PWWP2A: variants seen among roughly 807,000 people sequenced by gnomAD.
PWWP2A encodes PWWP domain containing 2A.
In PWWP2A, 18 loss-of-function variants were observed where a neutral mutation model predicts 48.5. The observed-to-expected ratio is 0.37, with a 90% confidence interval of 0.26 to 0.55. The LOEUF (loss-of-function observed/expected upper bound fraction) is 0.55, where lower values mean the gene tolerates loss of function less well. PWWP2A is among the 20% of genes least tolerant of loss of function. The pLI, the probability that PWWP2A is intolerant of heterozygous loss-of-function variation, is 0.81. For missense variants in PWWP2A, 867 were observed against 976.4 expected, an observed-to-expected ratio of 0.89 and a Z score of 1.49; for synonymous variants, 396 against 387.7, an observed-to-expected ratio of 1.02 and a Z score of -0.25.
At chr5:160,058,272 C>T (rs1343733093), downstream of PWWP2A, among the ~76,000 whole-genome samples, 1 of 152,234 alleles carries the variant, frequency 6.6e-6, no homozygotes, top group Non-Finnish European at 1.5e-5. Context: ...ATTGTCACCA[C>T]ATCTGCAGCA....
At chr5:160,084,298 G>A (rs777481755) in intron 2 of PWWP2A, among the ~76,000 whole-genome samples, 3 of 152,180 alleles carry the variant, frequency 2.0e-5, no homozygotes, top group Non-Finnish European at 4.4e-5. Context: ...TGTGTAAGTG[G>A]CTGATCAAAG....
chr5:160,089,504 AC>A, downstream of PWWP2A: 2 of 1,269,776 alleles, frequency 1.6e-6, no homozygotes, highest in Non-Finnish European at 2.0e-6. Flanking sequence ...GACCCACCGC[AC>A]CTGGCCTCTC....
At chr5:160,104,070 C>T (rs1046256362) in intron 1 of PWWP2A, among the ~76,000 whole-genome samples, 2 of 141,590 alleles carry the variant, frequency 1.4e-5, no homozygotes, top group Non-Finnish European at 3.0e-5. Context: ...GTTGCAGTGA[C>T]CCGGGATGCA....
chr5:160,096,759 AGTTGGGACTACAGGCACC>A (rs1200095224), intron 1 of PWWP2A, among the ~76,000 whole-genome samples: 1 of 152,174 alleles, frequency 6.6e-6, no homozygotes, highest in Admixed American at 6.5e-5. Context: ...CCTCCCAAGT[AGTTGGGACTACAGGCACC>A]TGCCACCATG....
At chr5:160,074,064 CAA>C (rs57010218), downstream of PWWP2A, among the ~76,000 whole-genome samples, 34 of 71,544 alleles carry the variant, frequency 4.8e-4, no homozygotes, top group South Asian at 8.4e-4. Flanking sequence ...GACTCCGTTT[CAA>C]AAAAAAAAAA....
At chr5:160,049,526 A>T in the PWWP2A span, 1 of 1,572,080 alleles carries the variant, frequency 6.4e-7, no homozygotes, top group Non-Finnish European at 8.6e-7. Flanking sequence ...ATTCAATTAA[A>T]CCCCAGCTAT....
intron 2 of PWWP2A, among the ~76,000 whole-genome samples, chr5:160,069,635 G>A (rs187120667): frequency 2.0e-5 from 3 of 152,050 alleles, no homozygotes; most frequent in East Asian, 1.9e-4. Context: ...AGGCCAAGGC[G>A]GGAGGATCAC....
chr5:160,045,514 ATACACACTCTCTCTCT>A, the PWWP2A span, among the ~76,000 whole-genome samples: 38 of 29,736 alleles, frequency 1.3e-3, no homozygotes, highest in African/African-American at 6.2e-3. Context: ...ACACACACAC[ATACACACTCTCTCTCT>A]CTCTCTCTCT....
At chr5:160,059,164 T>C (rs374061244), downstream of PWWP2A, among the ~76,000 whole-genome samples, 1 of 147,184 alleles carries the variant, frequency 6.8e-6, no homozygotes, top group East Asian at 2.0e-4. Context: ...TTGAAAGTCC[T>C]ATACGGCATC....
In PWWP2A at chr5:160,118,880, A is replaced by G. The variant is rs1758420632; in HGVS notation, c.509T>C (p.Ile170Thr). 6.3e-7 allele frequency: 1 copy of G among 1,598,654 alleles called. No individual in the cohort carries two copies. The highest frequency in any genetic ancestry group is 8.5e-7 in the Non-Finnish European group (1 of 1,173,886). The change falls in exon 1 of 2, where the codon ATT becomes ACT. Residue 170 changes from isoleucine (I) to threonine (T), a missense_variant. Physicochemically the swap from Ile to Thr is moderately conservative, Grantham distance 89. Around this residue, in one of 4 missense-constraint regions of PWWP2A, gnomAD observed 385 missense variants for 396.9 expected, o/e 0.97. Coordinates refer to ENST00000307063, the MANE Select transcript of PWWP2A (RefSeq NM_001130864.2). ...GAACGACACGACAAGCGCGTCCTCA[A>G]TGATGTGGTCCAGCGTGACCCGCAC... is the stretch of plus-strand genomic sequence containing the variant. ...SEVRVTLDHI[I>T]EDALVVSFRF... is the part of the protein sequence containing the mutation.
downstream of PWWP2A, among the ~76,000 whole-genome samples, chr5:160,088,297 T>G (rs998096771): frequency 2.0e-5 from 3 of 151,948 alleles, no homozygotes; most frequent in Admixed American, 6.6e-5. Flanking sequence ...GCCTCCCGGG[T>G]TCAAGCAATT....
intron 1 of PWWP2A, among the ~76,000 whole-genome samples, chr5:160,100,927 CA>C: frequency 6.6e-6 from 1 of 152,206 alleles, no homozygotes; most frequent in South Asian, 2.1e-4. Flanking sequence ...AGATATTAGC[CA>C]AAAAGGTGGA....
At chr5:160,045,442 A>C in the PWWP2A span, among the ~76,000 whole-genome samples, 2 of 124,814 alleles carry the variant, frequency 1.6e-5, no homozygotes, top group South Asian at 2.7e-4. Context: ...AGCCCCCGAC[A>C]TCCCCCACCC....
intron 1 of PWWP2A, among the ~76,000 whole-genome samples, chr5:160,112,263 C>T (rs1757670398): frequency 6.6e-6 from 1 of 152,086 alleles, no homozygotes; most frequent in African/African-American, 2.4e-5. Context: ...CTCTGTCATC[C>T]GGGCTAGAGT....
intron 1 of PWWP2A, chr5:160,113,230 T>C: frequency 2.0e-6 from 2 of 982,736 alleles, no homozygotes; most frequent in South Asian, 9.4e-5. Context: ...TTAGTACCAC[T>C]TTCTTTTCTT....
the PWWP2A span, among the ~76,000 whole-genome samples, chr5:160,047,656 A>T: frequency 6.6e-6 from 1 of 152,120 alleles, no homozygotes; most frequent in South Asian, 2.1e-4. Flanking sequence ...GAAAAAGTCC[A>T]AACTCCTTTC....
the PWWP2A span, among the ~76,000 whole-genome samples, chr5:160,044,658 A>G: frequency 2.0e-5 from 3 of 152,248 alleles, no homozygotes; most frequent in South Asian, 2.1e-4. Flanking sequence ...TTCCATCGCC[A>G]TCTTGGCTTT....
rs2113526041 is a variant in PWWP2A at position 160,092,197 on chromosome 5, T to C, written c.*185A>G. 1.5e-6 allele frequency: 2 copies of C among 1,330,024 alleles called. No homozygotes were observed. The highest frequency in any genetic ancestry group is 2.7e-5 in the East Asian group (1 of 37,110). 82.4% of individuals were successfully genotyped at this position (1,330,024 alleles called of 1,614,324 possible). Reference sequence around the variant, plus strand: ...AAAATCTCACTTCCTTAACACAAAATTTGATTATATGTTCAGTTTAAGCTC... The same window carrying C: ...AAAATCTCACTTCCTTAACACAAAACTTGATTATATGTTCAGTTTAAGCTC... On this transcript the variant is annotated 3_prime_UTR_variant, in exon 2 of 2. Transcript: ENST00000307063.
At chr5:160,110,001 C>T (rs746724205) in intron 1 of PWWP2A, among the ~76,000 whole-genome samples, 28 of 149,996 alleles carry the variant, frequency 1.9e-4, no homozygotes, top group Non-Finnish European at 3.7e-4. Flanking sequence ...CAGTCTTGAG[C>T]TATTAATTTT....
Sources: gnomAD v4.1 joint callset for allele counts (sites outside exome capture counted in the v4.1 genomes callset) on GRCh38, gnomAD v4.1.1 for gene constraint, gnomAD v4.1.1 regional missense constraint, MANE v1.5 for transcripts, NCBI Gene and HGNC (gene_info 2026-07-23, HGNC 2026-07-21) for gene names.